Variants in RGS6 observed in about 807,000 individuals in gnomAD.
RGS6 encodes the protein regulator of G protein signaling 6.
A neutral mutation model predicts 78.5 loss-of-function variants in RGS6; 30 were observed. The observed-to-expected ratio is 0.38, with a 90% confidence interval of 0.29 to 0.52. The LOEUF (loss-of-function observed/expected upper bound fraction) is 0.52. Ranked by LOEUF, RGS6 falls within the 20% of genes least tolerant of loss-of-function variation. The pLI is 0.85. For missense variants in RGS6, 495 were observed against 609.7 expected (o/e 0.81, Z 1.98); for synonymous variants, 206 against 206.0 (o/e 1.00, Z 0.00).
intron 2 of RGS6, among the ~76,000 whole-genome samples, chr14:72,248,103 C>A (rs1445749078): frequency 6.6e-6 from 1 of 152,166 alleles, no homozygotes; most frequent in East Asian, 1.9e-4. Flanking sequence ...AAAATATGAT[C>A]CAGGGACTCC....
Position 72,407,032 on chromosome 14 carries a change from T to C in RGS6, c.185-47496T>C, listed in dbSNP as rs2239215. On this transcript the variant is annotated intron_variant, in intron 3 of 17. Coordinates refer to ENST00000553525, the MANE Select transcript of RGS6 (RefSeq NM_001204424.2). Reference sequence around the variant, plus strand: ...GCCACATTGGGTAATGAAAACTGTATGTACAATTTTCTTTAGTTACATTGA... The same window carrying C: ...GCCACATTGGGTAATGAAAACTGTACGTACAATTTTCTTTAGTTACATTGA... Among the ~76,000 whole-genome samples, 1,096 of 152,348 alleles carry C rather than the reference T, an allele frequency of 7.2e-3. 36 individuals are homozygous for C. Among genetic ancestry groups the C allele is most frequent in the Admixed American group, 0.047 (712 of 15,300 alleles).
At chr14:72,547,120 C>A in intron 17 of RGS6, 1 of 1,516,138 alleles carries the variant, frequency 6.6e-7, no homozygotes, top group Non-Finnish European at 8.8e-7. Flanking sequence ...GCGGGAAGGC[C>A]GACCACTCAG....
intron 2 of RGS6, among the ~76,000 whole-genome samples, chr14:72,077,572 C>T (rs990881324): frequency 6.6e-6 from 1 of 152,146 alleles, no homozygotes; most frequent in African/African-American, 2.4e-5. Context: ...TTACTAAACA[C>T]TCTTGCCTAA....
chr14:72,500,864 T>C (rs766200754), intron 13 of RGS6, among the ~76,000 whole-genome samples: 2 of 152,184 alleles, frequency 1.3e-5, no homozygotes, highest in African/African-American at 2.4e-5. Flanking sequence ...ATGCCTAGCA[T>C]TGAGGTGACC....
At chr14:72,409,196 C>T (rs2093197958) in intron 3 of RGS6, among the ~76,000 whole-genome samples, 1 of 152,154 alleles carries the variant, frequency 6.6e-6, no homozygotes, top group Admixed American at 6.5e-5. Flanking sequence ...AAACACTGGA[C>T]ACAATACTTT....
chr14:72,619,894 C>A, the RGS6 span: 1 of 1,528,308 alleles, frequency 6.5e-7, no homozygotes. Flanking sequence ...TTGACTTCAT[C>A]ATCATTACCT....
chr14:71,934,693 G>C (rs754672364), intron 1 of RGS6, among the ~76,000 whole-genome samples: 2 of 152,188 alleles, frequency 1.3e-5, no homozygotes, highest in Non-Finnish European at 2.9e-5. Flanking sequence ...GACGTTTCTT[G>C]AGAAAGAAAA....
intron 1 of RGS6, among the ~76,000 whole-genome samples, chr14:71,936,030 A>ATATATACATATATATATATATATG (rs1555390439): frequency 4.5e-5 from 6 of 133,220 alleles, no homozygotes; most frequent in South Asian, 2.4e-4. Flanking sequence ...ATATATATAT[A>ATATATACATATATATATATATATG]TATATATATA....
the RGS6 span, among the ~76,000 whole-genome samples, chr14:71,894,238 C>A: frequency 6.6e-6 from 1 of 151,984 alleles, no homozygotes; most frequent in Non-Finnish European, 1.5e-5. Context: ...CCTCGCCTCT[C>A]GATGTTTACG....
the RGS6 span, among the ~76,000 whole-genome samples, chr14:72,589,973 G>C: frequency 7.2e-5 from 11 of 151,922 alleles, no homozygotes; most frequent in African/African-American, 2.7e-4. Context: ...TAATTAAAAA[G>C]TGGCAAAAGA....
chr14:72,250,943 T>A (rs1488080360), intron 2 of RGS6, among the ~76,000 whole-genome samples: 1 of 152,130 alleles, frequency 6.6e-6, no homozygotes, highest in East Asian at 1.9e-4. Flanking sequence ...GCATACAAGT[T>A]TATTAATGTG....
At chr14:72,580,304 A>T in the RGS6 span, among the ~76,000 whole-genome samples, 2 of 137,302 alleles carry the variant, frequency 1.5e-5, no homozygotes, top group African/African-American at 3.3e-5. Flanking sequence ...CTCAGCAAAA[A>T]TGTCCCCCCC....
At chr14:72,190,415 G>A (rs989692096) in intron 2 of RGS6, among the ~76,000 whole-genome samples, 9 of 152,316 alleles carry the variant, frequency 5.9e-5, no homozygotes, top group Admixed American at 4.6e-4. Flanking sequence ...TGTGTGTGTT[G>A]TTGGAGACAG....
intron 2 of RGS6, among the ~76,000 whole-genome samples, chr14:71,976,219 T>A (rs2094117394): frequency 6.6e-6 from 1 of 150,958 alleles, no homozygotes. Flanking sequence ...CTTTCTTTTT[T>A]TTCTTTTTTT....
At chr14:72,519,453 A>G (rs1442926594) in intron 15 of RGS6, among the ~76,000 whole-genome samples, 1 of 152,190 alleles carries the variant, frequency 6.6e-6, no homozygotes, top group Non-Finnish European at 1.5e-5. Flanking sequence ...CCTTGCAGAC[A>G]TTATTATCTG....
intron 2 of RGS6, among the ~76,000 whole-genome samples, chr14:72,331,055 C>A (rs1399158588): frequency 6.6e-6 from 1 of 152,112 alleles, no homozygotes; most frequent in Non-Finnish European, 1.5e-5. Flanking sequence ...GAGGATCAGT[C>A]TGTAGAGGGA....
chr14:72,480,758 C>T (rs1336223670), intron 12 of RGS6, among the ~76,000 whole-genome samples: 6 of 152,222 alleles, frequency 3.9e-5, no homozygotes, highest in South Asian at 2.1e-4. Flanking sequence ...CAGGTGGGCA[C>T]GCACATCCAC....
At chr14:72,592,088 A>T in the RGS6 span, among the ~76,000 whole-genome samples, 1 of 152,252 alleles carries the variant, frequency 6.6e-6, no homozygotes, top group Admixed American at 6.5e-5. Flanking sequence ...ACTTAACTCC[A>T]GGAGGGCTGG....
chr14:72,461,405 T>C (rs1369189805), intron 6 of RGS6, among the ~76,000 whole-genome samples: 2 of 152,208 alleles, frequency 1.3e-5, no homozygotes, highest in East Asian at 1.9e-4. Flanking sequence ...ATAATTTTAA[T>C]TGTGCATCAT....
Sources: allele counts gnomAD v4.1 joint callset (sites outside exome capture counted in the v4.1 genomes callset), GRCh38; gene constraint gnomAD v4.1.1; transcripts MANE v1.5; gene names NCBI Gene and HGNC (gene_info 2026-07-23, HGNC 2026-07-21).